The following FNDC3A variants were observed in gnomAD, a reference collection of about 807,000 sequenced individuals.
The protein encoded by FNDC3A is fibronectin type-III domain-containing protein 3A.
In FNDC3A, 32 loss-of-function variants were observed where a neutral mutation model predicts 148.9. The observed-to-expected ratio is 0.21, with a 90% confidence interval of 0.16 to 0.29. The LOEUF is 0.29. FNDC3A is among the 10% of genes least tolerant of loss of function. The pLI, the probability that FNDC3A is intolerant of heterozygous loss-of-function variation, is 1.00. For missense variants in FNDC3A, 1,191 were observed against 1,452.8 expected (o/e 0.82, Z 2.93); for synonymous variants, 472 against 473.6 (o/e 1.00, Z 0.04).
intron 2 of FNDC3A, among the ~76,000 whole-genome samples, chr13:49,037,722 C>T (rs1219079077): frequency 6.6e-6 from 1 of 152,198 alleles, no homozygotes; most frequent in Non-Finnish European, 1.5e-5. Flanking sequence ...AGGCATGCCT[C>T]TCTGTTCAGC....
At chr13:49,148,316 A>G (rs2137974681) in intron 8 of FNDC3A, among the ~76,000 whole-genome samples, 1 of 151,982 alleles carries the variant, frequency 6.6e-6, no homozygotes, top group Non-Finnish European at 1.5e-5. Flanking sequence ...TTTCTTCTAT[A>G]TTTTCTTCCA....
chr13:49,093,966 C>T (rs1001885144), intron 3 of FNDC3A, among the ~76,000 whole-genome samples: 10 of 152,148 alleles, frequency 6.6e-5, no homozygotes, highest in South Asian at 4.2e-4. Context: ...ATTTCCTTTA[C>T]TAATCCTCTG....
chr13:49,206,236 A>G (rs902172787), intron 25 of FNDC3A, among the ~76,000 whole-genome samples: 1 of 152,232 alleles, frequency 6.6e-6, no homozygotes, highest in Non-Finnish European at 1.5e-5. Context: ...AACTACTAGT[A>G]TGTCTGTTAT....
intron 19 of FNDC3A, 110 bp downstream of exon 19, chr13:49,191,494 A>G: frequency 1.3e-6 from 1 of 798,480 alleles, no homozygotes; most frequent in Non-Finnish European, 1.9e-6. Context: ...ATATGACTCC[A>G]AATTTTACAA....
chr13:49,138,037 G>T (rs914444007), intron 6 of FNDC3A, among the ~76,000 whole-genome samples: 1 of 152,146 alleles, frequency 6.6e-6, no homozygotes, highest in Non-Finnish European at 1.5e-5. Context: ...ATCAAATAGT[G>T]TAGGTAATTA....
chr13:49,197,774 G>A lies in FNDC3A; in HGVS notation c.2390G>A (p.Gly797Glu), dbSNP rs1886225025. ...TDVTEYRLEWGGVEGSMQICY... is the reference protein window; with the variant it reads ...TDVTEYRLEWEGVEGSMQICY... ...GTCACTGAATATCGACTGGAGTGGG[G>A]AGGAGTTGAAGGAAGTATGCAGATA... Residue 797 changes from glycine (G) to glutamate (E), a missense_variant, in exon 21 of 26, where the codon GGA (glycine) becomes GAA (glutamate). Around this residue, in one of 3 missense-constraint regions of FNDC3A, gnomAD observed 751 missense variants for 944.0 expected, o/e 0.80. Transcript: ENST00000492622. 2 of 1,610,872 alleles carry A rather than the reference G, an allele frequency of 1.2e-6. No homozygotes were observed. Among genetic ancestry groups the A allele is most frequent in the African/African-American group, 1.3e-5 (1 of 74,674 alleles).
chr13:49,144,032 CTAA>C (rs1166963044), intron 7 of FNDC3A, among the ~76,000 whole-genome samples: 21 of 149,914 alleles, frequency 1.4e-4, no homozygotes, highest in East Asian at 1.4e-3. Context: ...ACTACTACTA[CTAA>C]TAATAATAAT....
At chr13:49,127,174 TTACTC>T (rs1461973065) in intron 4 of FNDC3A, among the ~76,000 whole-genome samples, 10 of 152,252 alleles carry the variant, frequency 6.6e-5, no homozygotes, top group Non-Finnish European at 1.5e-4. Flanking sequence ...TAAGGACACA[TTACTC>T]TAGCATTTTT....
chr13:49,115,183 A>AGG (rs11353117), intron 4 of FNDC3A, among the ~76,000 whole-genome samples: 2 of 133,824 alleles, frequency 1.5e-5, no homozygotes, highest in East Asian at 2.2e-4. Context: ...CTGAGGGATG[A>AGG]GGGGGGGGGG....
chr13:48,977,179 A>AT (rs780765850), intron 1 of FNDC3A, among the ~76,000 whole-genome samples: 58 of 149,876 alleles, frequency 3.9e-4, no homozygotes, highest in African/African-American at 8.1e-4. Flanking sequence ...GGCTGATGAG[A>AT]TTTTTTTTTT....
chr13:49,082,424 G>T (rs1480557828), intron 3 of FNDC3A, among the ~76,000 whole-genome samples: 1 of 151,982 alleles, frequency 6.6e-6, no homozygotes, highest in Non-Finnish European at 1.5e-5. Flanking sequence ...TTTAATAGGA[G>T]TAAATATAAA....
intron 4 of FNDC3A, among the ~76,000 whole-genome samples, chr13:49,119,046 G>A (rs765895225): frequency 7.2e-5 from 11 of 152,162 alleles, no homozygotes; most frequent in African/African-American, 1.4e-4. Flanking sequence ...CCTAACCCCC[G>A]TGCCTCCTGA....
rs551610985 is a variant in FNDC3A, at chr13:49,045,444, C to T, written c.100-29845C>T. 3.5e-5 allele frequency: 6 copies of T among 173,474 alleles called. No individual in the cohort carries two copies. The South Asian group carries it at 9.0e-4, about 26-fold the overall frequency. 10.7% of individuals were successfully genotyped at this position (173,474 alleles called of 1,614,324 possible). A position where few individuals can be genotyped will look rare whatever the true frequency, so the allele number is the denominator to read the frequency against. On this transcript the variant is annotated intron_variant, in intron 2 of 25. Coordinates refer to ENST00000492622, the MANE Select transcript of FNDC3A (RefSeq NM_001079673.2). ...CTGGGATTGCAGGTGTGAGCCACCA[C>T]ACCCAGCCAAGATATCTACTTTCAT... is the stretch of plus-strand genomic sequence containing the variant.
chr13:49,100,576 A>G (rs1021453926), intron 3 of FNDC3A, among the ~76,000 whole-genome samples: 1 of 152,168 alleles, frequency 6.6e-6, no homozygotes, highest in African/African-American at 2.4e-5. Context: ...AAAATTCTGA[A>G]GTTAAATCTT....
chr13:49,066,233 A>G (rs539956186), intron 2 of FNDC3A, among the ~76,000 whole-genome samples: 2 of 152,352 alleles, frequency 1.3e-5, no homozygotes, highest in East Asian at 1.9e-4. Context: ...GGAGCCAAGC[A>G]TAGTAAAGAT....
intron 19 of FNDC3A, among the ~76,000 whole-genome samples, chr13:49,196,080 CAAAAA>C (rs71076070): frequency 5.6e-5 from 4 of 71,600 alleles, no homozygotes; most frequent in African/African-American, 2.5e-4. Context: ...GACCTTGTCT[CAAAAA>C]AAAAAAAAAA....
intron 1 of FNDC3A, among the ~76,000 whole-genome samples, chr13:48,987,626 C>G (rs761612899): frequency 6.6e-6 from 1 of 152,318 alleles, no homozygotes; most frequent in South Asian, 2.1e-4. Flanking sequence ...CAACACTACT[C>G]TTTCCTTCTT....
At chr13:49,145,086 T>G (rs1882918286) in intron 7 of FNDC3A, among the ~76,000 whole-genome samples, 1 of 152,198 alleles carries the variant, frequency 6.6e-6, no homozygotes, top group African/African-American at 2.4e-5. Flanking sequence ...TGTATACATA[T>G]GTTAAGTTTA....
rs375402146 is a variant in FNDC3A, at chr13:49,045,295, A to G, written c.100-29994A>G. 2.6e-5 allele frequency among the ~76,000 whole-genome samples: 4 copies of G among 152,082 alleles called. No individual in the cohort carries two copies. The South Asian group carries it at 6.2e-4, about 24-fold the overall frequency. ...CAGTCTCCCGAGTAGCTGGGACTAC[A>G]AGTGCGTGCCACCACGGCCAGCTAA... is the stretch of plus-strand genomic sequence containing the variant. On this transcript the variant is annotated intron_variant, in intron 2 of 25. Coordinates refer to ENST00000492622, the MANE Select transcript of FNDC3A (RefSeq NM_001079673.2).
Sources: gnomAD v4.1 joint callset for allele counts (sites outside exome capture counted in the v4.1 genomes callset) on GRCh38, gnomAD v4.1.1 for gene constraint, gnomAD v4.1.1 regional missense constraint, MANE v1.5 for transcripts, NCBI Gene and HGNC (gene_info 2026-07-23, HGNC 2026-07-21) for gene names.